Variants in HADHB observed in about 807,000 individuals in gnomAD.
HADHB encodes trifunctional enzyme subunit beta, mitochondrial.
In HADHB, 50 loss-of-function variants were observed where a neutral mutation model predicts 61.9. That is an observed-to-expected ratio of 0.81 (90% CI 0.64 to 1.02). The LOEUF is 1.02. HADHB is among the 50% of genes least tolerant of loss of function. The probability of loss-of-function intolerance (pLI) is 0.00; values close to 1 mark genes in which losing one functional copy is unlikely to be tolerated. For missense variants in HADHB, 504 were observed against 586.5 expected (o/e 0.86, Z 1.45); for synonymous variants, 191 against 201.6 (o/e 0.95, Z 0.45).
At chr2:26,261,377 A>T in intron 3 of HADHB, 1 of 218,448 alleles carries the variant, frequency 4.6e-6, no homozygotes, top group Non-Finnish European at 9.2e-6. Context: ...ATGACTTTCT[A>T]ATCTACACTC....
intron 1 of HADHB, among the ~76,000 whole-genome samples, chr2:26,253,881 T>G (rs1328592003): frequency 6.7e-6 from 1 of 149,762 alleles, no homozygotes; most frequent in Admixed American, 6.7e-5. Flanking sequence ...AATAAATAAA[T>G]AAATAAATAA....
chr2:26,280,144 A>G (rs763710780), intron 10 of HADHB, 29 bp downstream of exon 10: 37 of 1,585,646 alleles, frequency 2.3e-5, no homozygotes, highest in Non-Finnish European at 3.1e-5. Context: ...TGTATTTAGT[A>G]GTGACTTTTC....
chr2:26,254,151 G>A (rs1671516964), intron 1 of HADHB, 96 bp from the exon 2 acceptor site: 2 of 737,064 alleles, frequency 2.7e-6, no homozygotes, highest in Non-Finnish European at 5.0e-6. Flanking sequence ...ATGTTTTCTA[G>A]TAGCCATGGA....
intron 3 of HADHB, among the ~76,000 whole-genome samples, chr2:26,257,955 C>A (rs1301724336): frequency 2.0e-5 from 3 of 151,834 alleles, no homozygotes; most frequent in Non-Finnish European, 1.5e-5. Flanking sequence ...GGAGGCAGAG[C>A]TTGCAGTGAG....
chr2:26,251,681 C>T (rs1257070967), intron 1 of HADHB, among the ~76,000 whole-genome samples: 1 of 152,110 alleles, frequency 6.6e-6, no homozygotes, highest in South Asian at 2.1e-4. Context: ...GGCCAGAGTC[C>T]TTTGAATATC....
chr2:26,259,068 C>T (rs1225598754), intron 3 of HADHB, among the ~76,000 whole-genome samples: 1 of 152,158 alleles, frequency 6.6e-6, no homozygotes, highest in Non-Finnish European at 1.5e-5. Flanking sequence ...ATGATGAAAC[C>T]CTAGCTTGAA....
intron 1 of HADHB, among the ~76,000 whole-genome samples, chr2:26,250,259 G>A (rs558406559): frequency 6.6e-5 from 10 of 152,156 alleles, no homozygotes; most frequent in African/African-American, 2.2e-4. Context: ...CTGCCTGGGC[G>A]TCCCAAAATG....
chr2:26,283,952 C>T (rs991244978), intron 12 of HADHB, among the ~76,000 whole-genome samples, 165 bp from the exon 13 acceptor site: 2 of 152,182 alleles, frequency 1.3e-5, no homozygotes, highest in African/African-American at 2.4e-5. Context: ...CATGTCTGTA[C>T]AGTTTCACTA....
intron 5 of HADHB, among the ~76,000 whole-genome samples, chr2:26,270,431 A>T (rs1262268494): frequency 2.0e-5 from 3 of 152,242 alleles, no homozygotes; most frequent in Admixed American, 2.0e-4. Context: ...GCTGTTTCAT[A>T]ACATGTAAGG....
intron 1 of HADHB, among the ~76,000 whole-genome samples, chr2:26,246,599 C>G (rs533886186): frequency 2.6e-5 from 4 of 152,078 alleles, no homozygotes; most frequent in Non-Finnish European, 4.4e-5. Context: ...CCTCTGCCCC[C>G]CAAAGTGCTG....
In HADHB at chr2:26,290,195, T is replaced by G. The variant is rs758862046; in HGVS notation, c.*242T>G. 7 of 556,840 alleles carry G rather than the reference T, an allele frequency of 1.3e-5. No homozygotes were observed. Among genetic ancestry groups the G allele is most frequent in the Non-Finnish European group, 1.6e-5 (5 of 309,762 alleles). 34.5% of individuals were successfully genotyped at this position (556,840 alleles called of 1,614,324 possible). A position where few individuals can be genotyped will look rare whatever the true frequency, so the allele number is the denominator to read the frequency against. ...ATCTCACATGAGATGTGTGGGTGGT[T>G]GTTTTTGGTCTCTGTTGTCACTAAA... On this transcript the variant is annotated 3_prime_UTR_variant, in exon 16 of 16. Transcript: ENST00000317799.
chr2:26,255,750 T>A (rs917986844), intron 3 of HADHB, among the ~76,000 whole-genome samples: 1 of 152,262 alleles, frequency 6.6e-6, no homozygotes, highest in Non-Finnish European at 1.5e-5. Context: ...TGCAAGATGG[T>A]ATTTTTCTAT....
Position 26,268,538 on chromosome 2 carries a change from G to A in HADHB, c.210-1415G>A, listed in dbSNP as rs1672197557. The stretch of plus-strand genomic sequence containing the variant: ...GTCATGTTGATATCATGTGCCCCCT[G>A]ATACGAAGCTAAGAGAAATACAGTT... On this transcript the variant is annotated intron_variant, in intron 4 of 15. Transcript: ENST00000317799. Among the ~76,000 whole-genome samples, 3 of 152,146 alleles carry A rather than the reference G, an allele frequency of 2.0e-5. No individual in the cohort carries two copies. In the South Asian group the frequency reaches 6.2e-4, roughly 32 times the overall value.
Position 26,261,218 on chromosome 2 carries a change from C to CCG in HADHB, c.110-2161_110-2160insGC, listed in dbSNP as rs961287460. On this transcript the variant is annotated intron_variant, in intron 3 of 15. Transcript: ENST00000317799. ...CAACAACAACACAACAAATACCCCCCCCCCATCCAGACAAACAAAAAAAGT... is the reference window on the plus strand; with the variant it reads ...CAACAACAACACAACAAATACCCCCCCGCCCCATCCAGACAAACAAAAAAAGT... 64 of 474,890 alleles carry CCG rather than the reference C, an allele frequency of 1.3e-4. 1 individual carries two copies. The Admixed American group carries it at 1.5e-3, about 11-fold the overall frequency. The allele number at this position is 474,890 out of a possible 1,614,324, so 29.4% of individuals were successfully genotyped here. A position where few individuals can be genotyped will look rare whatever the true frequency, so the allele number is the denominator to read the frequency against.
rs148432325 is a variant in HADHB, at chr2:26,274,158, T to C, written c.354+408T>C. Among the ~76,000 whole-genome samples, 945 of 152,362 alleles carry C rather than the reference T, an allele frequency of 6.2e-3. 4 individuals carry two copies. Among genetic ancestry groups the C allele is most frequent in the Non-Finnish European group, 0.01 (704 of 68,026 alleles). On this transcript the variant is annotated intron_variant, in intron 6 of 15. Coordinates refer to ENST00000317799, the MANE Select transcript of HADHB (RefSeq NM_000183.3). ...TGACTTTTGTTAGCTGGAAGTAGCC[T>C]TGCTTACTCATTTGTTCCCATCAAC... is the stretch of plus-strand genomic sequence containing the variant.
At chr2:26,276,544 T>A (rs957733899) in intron 6 of HADHB, among the ~76,000 whole-genome samples, 1 of 152,156 alleles carries the variant, frequency 6.6e-6, no homozygotes. Flanking sequence ...GCAGACAGGG[T>A]CTTGAGTGGG....
rs559000048 is a variant in HADHB at position 26,273,087 on chromosome 2, C to CAAA, written c.255-553_255-551dup. 4.5e-5 allele frequency among the ~76,000 whole-genome samples: 6 copies of CAAA among 132,004 alleles called. 1 individual carries two copies. Among genetic ancestry groups the CAAA allele is most frequent in the African/African-American group, 1.7e-4 (6 of 36,014 alleles). The allele number at this position is 132,004 out of a possible 152,430, so 86.6% of individuals were successfully genotyped here. A position where few individuals can be genotyped will look rare whatever the true frequency, so the allele number is the denominator to read the frequency against. Reference sequence around the variant, plus strand: ...GGGTGAAAGGGCAAGATTCTTATCTCAAAAAAAAAAAAAGGAAACCAAGTC... The same window carrying CAAA: ...GGGTGAAAGGGCAAGATTCTTATCTCAAAAAAAAAAAAAAAAGGAAACCAAGTC... On this transcript the variant is annotated intron_variant, in intron 5 of 15. Coordinates refer to ENST00000317799, the MANE Select transcript of HADHB (RefSeq NM_000183.3).
rs1671061070 is a variant in HADHB, at chr2:26,244,964, A to C, written c.-35A>C. 1 of 296,298 alleles carries C rather than the reference A, an allele frequency of 3.4e-6. No homozygotes were observed. The highest frequency in any genetic ancestry group is 2.1e-5 in the African/African-American group (1 of 46,886). The allele number at this position is 296,298 out of a possible 1,614,324, so 18.4% of individuals were successfully genotyped here. A position where few individuals can be genotyped will look rare whatever the true frequency, so the allele number is the denominator to read the frequency against. ...ACTTGGACCTGAACCTTGCTCCGAG[A>C]GGGAGTCCTCGCGGACGTCAGCCAA... On this transcript the variant is annotated 5_prime_UTR_variant, in exon 1 of 16. Coordinates refer to ENST00000317799, the MANE Select transcript of HADHB (RefSeq NM_000183.3).
At position 26,262,199 on chromosome 2, in the gene HADHB, T is replaced by A. The variant is rs560101346; in HGVS notation, c.110-1181T>A. Among the ~76,000 whole-genome samples the A allele has an allele frequency of 3.3e-5, 5 of 152,328 alleles. No individual in the cohort carries two copies. In the South Asian group the frequency reaches 1.0e-3, roughly 32 times the overall value. The stretch of plus-strand genomic sequence containing the variant: ...ATTAACAGGTGTGGTAAGGTCGTTG[T>A]TGACATTGTATTCCCAATAATTTAG... On this transcript the variant is annotated intron_variant, in intron 3 of 15. Transcript: ENST00000317799.
Sources: allele counts gnomAD v4.1 joint callset (sites outside exome capture counted in the v4.1 genomes callset), GRCh38; gene constraint gnomAD v4.1.1; transcripts MANE v1.5; gene names NCBI Gene and HGNC (gene_info 2026-07-23, HGNC 2026-07-21).